CDKAL1: variants seen among roughly 807,000 people sequenced by gnomAD.
CDKAL1 encodes the protein CDKAL1 threonylcarbamoyladenosine tRNA methylthiotransferase.
A neutral mutation model predicts 68.2 loss-of-function variants in CDKAL1; 32 were observed. The observed-to-expected ratio is 0.47, with a 90% confidence interval of 0.35 to 0.63. CDKAL1 has a LOEUF of 0.63. CDKAL1 is among the 30% of genes least tolerant of loss of function. CDKAL1 has a pLI of 0.00. For synonymous variants in CDKAL1, 234 were observed against 244.3 expected, an observed-to-expected ratio of 0.96 and a Z score of 0.39; for missense variants, 606 against 696.7, an observed-to-expected ratio of 0.87 and a Z score of 1.47.
chr6:21,150,546 C>T (rs185009584), intron 13 of CDKAL1, among the ~76,000 whole-genome samples: 15 of 152,288 alleles, frequency 9.8e-5, no homozygotes, highest in Non-Finnish European at 2.2e-4. Context: ...CCAAAGCCTC[C>T]ATAAAACTTG....
chr6:20,970,929 A>G (rs1281787170), intron 10 of CDKAL1, among the ~76,000 whole-genome samples: 1 of 152,064 alleles, frequency 6.6e-6, no homozygotes, highest in Non-Finnish European at 1.5e-5. Context: ...GCTCACTGCA[A>G]CCTCTGCCTC....
Position 21,231,992 on chromosome 6 carries a change from G to GTTTTTTTTTGTT in CDKAL1, c.*962_*963insGTTTTTTTTTTT, listed in dbSNP as rs1779991654. The stretch of plus-strand genomic sequence containing the variant: ...TTTCTCACATTTTTGATCCATTGGG[G>GTTTTTTTTTGTT]TTTTTTTTTTGTTTTTGTTTTTTTT... On this transcript the variant is annotated 3_prime_UTR_variant, in exon 16 of 16. Coordinates refer to ENST00000274695, the MANE Select transcript of CDKAL1 (RefSeq NM_017774.3). 1.4e-5 allele frequency: 1 copy of GTTTTTTTTTGTT among 73,644 alleles called. No individual in the cohort carries two copies. The highest frequency in any genetic ancestry group is 1.4e-4 in the Admixed American group (1 of 7,020). 4.6% of individuals were successfully genotyped at this position (73,644 alleles called of 1,614,324 possible).
At chr6:21,217,070 C>A (rs1050632344) in intron 15 of CDKAL1, among the ~76,000 whole-genome samples, 2 of 152,186 alleles carry the variant, frequency 1.3e-5, no homozygotes, top group Admixed American at 6.5e-5. Context: ...CTTTTTCCAA[C>A]CTGGTATATG....
intron 4 of CDKAL1, among the ~76,000 whole-genome samples, chr6:20,597,871 TTG>T (rs2127708659): frequency 6.6e-6 from 1 of 152,366 alleles, no homozygotes; most frequent in Non-Finnish European, 1.5e-5. Context: ...GGAGGAACTC[TTG>T]GGATTCAGGG....
chr6:20,794,951 A>G (rs1006606693), intron 8 of CDKAL1, among the ~76,000 whole-genome samples: 3 of 152,170 alleles, frequency 2.0e-5, no homozygotes, highest in African/African-American at 7.2e-5. Flanking sequence ...ACTGTGACCA[A>G]TACTGTTTGG....
intron 13 of CDKAL1, among the ~76,000 whole-genome samples, chr6:21,167,795 C>T (rs1451857897): frequency 1.3e-5 from 2 of 152,182 alleles, no homozygotes; most frequent in Non-Finnish European, 2.9e-5. Flanking sequence ...AAATTAAATT[C>T]ATGGCTTCAT....
intron 5 of CDKAL1, among the ~76,000 whole-genome samples, chr6:20,702,407 C>T (rs1362254313): frequency 1.3e-5 from 2 of 152,300 alleles, no homozygotes; most frequent in East Asian, 1.9e-4. Flanking sequence ...TTCTGTATCC[C>T]GGATTCTTGC....
At chr6:20,980,643 G>A (rs1317383319) in intron 10 of CDKAL1, among the ~76,000 whole-genome samples, 3 of 151,474 alleles carry the variant, frequency 2.0e-5, no homozygotes, top group Non-Finnish European at 4.4e-5. Flanking sequence ...AGTCTTTAAC[G>A]GCATGGATGT....
chr6:20,651,434 T>C (rs1424499721), intron 5 of CDKAL1, among the ~76,000 whole-genome samples: 1 of 152,180 alleles, frequency 6.6e-6, no homozygotes, highest in Non-Finnish European at 1.5e-5. Context: ...AAGTTGCTTA[T>C]TAGGTTAAGA....
At chr6:20,925,267 A>G (rs1763136322) in intron 9 of CDKAL1, among the ~76,000 whole-genome samples, 2 of 152,224 alleles carry the variant, frequency 1.3e-5, no homozygotes, top group African/African-American at 4.8e-5. Context: ...ACTTTTTCAG[A>G]CATGATACTA....
At chr6:21,113,490 C>A (rs536961609) in intron 13 of CDKAL1, among the ~76,000 whole-genome samples, 1 of 151,690 alleles carries the variant, frequency 6.6e-6, no homozygotes, top group South Asian at 2.1e-4. Context: ...TACAAAAAAA[C>A]GGGGTTTTTT....
chr6:20,554,006 G>A (rs909813890), intron 4 of CDKAL1, among the ~76,000 whole-genome samples: 2 of 151,176 alleles, frequency 1.3e-5, no homozygotes, highest in African/African-American at 4.9e-5. Context: ...TTTTAGTAAC[G>A]ATGGGGTTTT....
intron 9 of CDKAL1, among the ~76,000 whole-genome samples, chr6:20,917,939 ACT>A (rs759641631): frequency 4.6e-5 from 7 of 152,188 alleles, no homozygotes; most frequent in Non-Finnish European, 7.4e-5. Context: ...GGGGCCTAAG[ACT>A]CTACTAAAAA....
intron 5 of CDKAL1, among the ~76,000 whole-genome samples, chr6:20,713,379 A>C (rs1771938105): frequency 6.6e-6 from 1 of 152,180 alleles, no homozygotes; most frequent in Non-Finnish European, 1.5e-5. Context: ...CTCGTATCTT[A>C]ATTATTTAAA....
chr6:21,107,630 C>T (rs1773913984), intron 12 of CDKAL1, among the ~76,000 whole-genome samples: 1 of 151,988 alleles, frequency 6.6e-6, no homozygotes, highest in African/African-American at 2.4e-5. Context: ...CTGGGTTTCT[C>T]CATTTTGGCC....
At chr6:20,700,822 G>C (rs1771316913) in intron 5 of CDKAL1, among the ~76,000 whole-genome samples, 1 of 150,814 alleles carries the variant, frequency 6.6e-6, no homozygotes, top group Non-Finnish European at 1.5e-5. Flanking sequence ...TTTACATTTG[G>C]ACTGAAATAA....
chr6:21,112,049 A>C (rs1774142915), intron 13 of CDKAL1, among the ~76,000 whole-genome samples: 1 of 152,228 alleles, frequency 6.6e-6, no homozygotes, highest in Non-Finnish European at 1.5e-5. Flanking sequence ...CCAGGTCACA[A>C]AAAGTCCAAC....
chr6:21,201,407 G>T (rs751108872), intron 15 of CDKAL1, 133 bp downstream of exon 15: 95 of 657,216 alleles, frequency 1.4e-4, no homozygotes, highest in Non-Finnish European at 2.2e-4. Flanking sequence ...AATCCTTTCT[G>T]ACAGATTGAA....
At chr6:20,852,831 GT>G (rs1208996348) in intron 9 of CDKAL1, among the ~76,000 whole-genome samples, 4 of 152,224 alleles carry the variant, frequency 2.6e-5, no homozygotes, top group Non-Finnish European at 5.9e-5. Context: ...GTGGGGCCCT[GT>G]TTAATGAGGC....
Sources: allele counts gnomAD v4.1 joint callset (sites outside exome capture counted in the v4.1 genomes callset), GRCh38; gene constraint gnomAD v4.1.1; transcripts MANE v1.5; gene names NCBI Gene and HGNC (gene_info 2026-07-23, HGNC 2026-07-21).